The following TIAM1 variants were observed in gnomAD, a reference collection of about 807,000 sequenced individuals.
TIAM1 encodes the protein TIAM Rac1 associated GEF 1.
Under a neutral mutation model 163.5 loss-of-function variants are expected in TIAM1, and 65 were observed. That is an observed-to-expected ratio of 0.40 (90% confidence interval 0.33 to 0.49). TIAM1 has a LOEUF of 0.49. Among genes scored for constraint, TIAM1 ranks in the 20% least tolerant of loss-of-function variants. The pLI is 0.77. For synonymous variants in TIAM1, 833 were observed against 810.1 expected (o/e 1.03, Z -0.48); for missense variants, 1,789 against 2,044.7 (o/e 0.87, Z 2.41).
intron 15 of TIAM1, among the ~76,000 whole-genome samples, chr21:31,175,747 C>T (rs1168813638): frequency 3.3e-5 from 5 of 151,972 alleles, no homozygotes; most frequent in African/African-American, 7.3e-5. Context: ...TACAGGCGCC[C>T]GCCACCACGC....
chr21:31,213,946 G>A (rs2087026963), intron 9 of TIAM1, among the ~76,000 whole-genome samples: 1 of 151,770 alleles, frequency 6.6e-6, no homozygotes, highest in Non-Finnish European at 1.5e-5. Context: ...TACTCCTGAG[G>A]CTAAGGCAGG....
intron 2 of TIAM1, among the ~76,000 whole-genome samples, chr21:31,306,022 G>A (rs2074697232): frequency 6.6e-6 from 1 of 152,236 alleles, no homozygotes; most frequent in East Asian, 1.9e-4. Context: ...AGACAGAGGA[G>A]CACACTTGAA....
At chr21:31,394,208 G>A (rs924738381) in intron 2 of TIAM1, among the ~76,000 whole-genome samples, 1 of 152,128 alleles carries the variant, frequency 6.6e-6, no homozygotes, top group African/African-American at 2.4e-5. Context: ...GAAAAATATG[G>A]AAGAACCTTG....
At chr21:31,521,572 C>T (rs896880579) in intron 1 of TIAM1, among the ~76,000 whole-genome samples, 1 of 152,012 alleles carries the variant, frequency 6.6e-6, no homozygotes, top group Non-Finnish European at 1.5e-5. Flanking sequence ...CCCATCTCAA[C>T]AAAAAATTTA....
chr21:31,127,166 A>T lies in TIAM1; in HGVS notation c.4046-14T>A. On this transcript the variant is annotated splice_polypyrimidine_tract_variant and intron_variant, in intron 25 of 27. Coordinates refer to ENST00000541036, the MANE Select transcript of TIAM1 (RefSeq NM_001353694.2). ...TTGCCTCTGCATCTAAAGAAATTAA[A>T]ACAACAATGAATCAGGGTATGTTTC... 1 of 1,611,142 alleles carries T rather than the reference A, an allele frequency of 6.2e-7. No homozygotes were observed.
chr21:31,397,254 C>T (rs886613909), intron 2 of TIAM1, among the ~76,000 whole-genome samples: 2 of 152,126 alleles, frequency 1.3e-5, no homozygotes, highest in Admixed American at 6.6e-5. Flanking sequence ...AACTATCATG[C>T]CCGTTTGTAA....
At chr21:31,484,710 G>A (rs1238534159) in intron 1 of TIAM1, among the ~76,000 whole-genome samples, 3 of 152,162 alleles carry the variant, frequency 2.0e-5, no homozygotes, top group African/African-American at 4.8e-5. Flanking sequence ...TTCTAGGACC[G>A]TGACCCCAGC....
At chr21:31,312,731 G>A (rs1308295175) in intron 2 of TIAM1, among the ~76,000 whole-genome samples, 1 of 152,174 alleles carries the variant, frequency 6.6e-6, no homozygotes, top group Non-Finnish European at 1.5e-5. Context: ...TAGCTGAGTA[G>A]AAATTCCAAC....
chr21:31,181,600 G>A (rs772280622), intron 15 of TIAM1, among the ~76,000 whole-genome samples: 1 of 151,744 alleles, frequency 6.6e-6, no homozygotes, highest in African/African-American at 2.4e-5. Context: ...TTTCCACTCT[G>A]GGCCTCTCAG....
At chr21:31,223,156 G>A (rs58972860) in intron 8 of TIAM1, among the ~76,000 whole-genome samples, 18,515 of 152,038 alleles carry the variant, frequency 0.12, 3,582 homozygotes, top group African/African-American at 0.41. Context: ...CATGTGAACA[G>A]CGCTGAAGAT....
At chr21:31,165,160 A>C in intron 15 of TIAM1, 95 bp from the exon 16 acceptor site, 1 of 1,059,100 alleles carries the variant, frequency 9.4e-7, no homozygotes, top group Non-Finnish European at 1.4e-6. Flanking sequence ...CTCGCTCATG[A>C]CATGTACATA....
At chr21:31,336,803 A>C (rs1242021827) in intron 2 of TIAM1, among the ~76,000 whole-genome samples, 2 of 152,106 alleles carry the variant, frequency 1.3e-5, no homozygotes, top group Non-Finnish European at 2.9e-5. Flanking sequence ...ACTGACTCTG[A>C]AGGAGAGGTA....
intron 11 of TIAM1, among the ~76,000 whole-genome samples, chr21:31,208,969 G>A (rs1022007711): frequency 2.0e-5 from 3 of 151,020 alleles, no homozygotes; most frequent in African/African-American, 7.3e-5. Flanking sequence ...TTTTTTAGCA[G>A]CCCCAAAGAA....
At chr21:31,408,308 G>A (rs1359932199) in intron 2 of TIAM1, among the ~76,000 whole-genome samples, 1 of 152,200 alleles carries the variant, frequency 6.6e-6, no homozygotes, top group Non-Finnish European at 1.5e-5. Flanking sequence ...TCTGTCAACT[G>A]AAAATTTAGG....
chr21:31,417,970 A>C (rs116214573), intron 2 of TIAM1, among the ~76,000 whole-genome samples: 106 of 152,298 alleles, frequency 7.0e-4, no homozygotes, highest in African/African-American at 2.5e-3. Context: ...CAAGTCAGCC[A>C]GGAACCACTG....
intron 6 of TIAM1, among the ~76,000 whole-genome samples, chr21:31,242,860 C>CAAAAAAAAAAAAAAAAA (rs11417948): frequency 8.4e-5 from 8 of 95,052 alleles, no homozygotes; most frequent in Admixed American, 3.6e-4. Context: ...GACTCTGTCT[C>CAAAAAAAAAAAAAAAAA]AAAAAAAAAA....
chr21:31,339,041 G>A (rs2075940400), intron 2 of TIAM1, among the ~76,000 whole-genome samples: 1 of 152,124 alleles, frequency 6.6e-6, no homozygotes, highest in African/African-American at 2.4e-5. Context: ...CAGGAAGAAT[G>A]GGAAAGGTTC....
chr21:31,273,912 A>G (rs372429026), intron 3 of TIAM1, among the ~76,000 whole-genome samples: 1 of 152,216 alleles, frequency 6.6e-6, no homozygotes, highest in South Asian at 2.1e-4. Context: ...ATGAACATCA[A>G]TGATGATATT....
chr21:31,448,919 C>T lies in TIAM1; in HGVS notation c.-369+15064G>A, dbSNP rs115829988. 1.3e-3 allele frequency among the ~76,000 whole-genome samples: 194 copies of T among 152,246 alleles called. 3 individuals carry two copies. Among genetic ancestry groups the T allele is most frequent in the African/African-American group, 4.6e-3 (190 of 41,542 alleles). On this transcript the variant is annotated intron_variant, in intron 2 of 28. Transcript: ENST00000286827. ...CTTGACCTCTCCCAACCTCAGTTTC[C>T]CCATTTGCAACAGCAAATATAACAG...
Sources: allele counts gnomAD v4.1 joint callset (sites outside exome capture counted in the v4.1 genomes callset), GRCh38; gene constraint gnomAD v4.1.1; transcripts MANE v1.5; gene names NCBI Gene and HGNC (gene_info 2026-07-23, HGNC 2026-07-21).